Variants in ATRX observed in about 807,000 individuals in gnomAD.
The protein encoded by ATRX is chromatin remodeler ATRX.
In ATRX, 12 loss-of-function variants were observed where a neutral mutation model predicts 172.6. The ratio of observed to expected loss-of-function variants is 0.07; its 90% CI spans 0.04 to 0.11. ATRX has a LOEUF of 0.11. Ranked by LOEUF, ATRX falls within the 10% of genes least tolerant of loss-of-function variation. ATRX has a pLI of 1.00. For missense variants in ATRX, 1,368 were observed against 1,767.4 expected, an observed-to-expected ratio of 0.77 and a Z score of 4.05; for synonymous variants, 674 against 594.7, an observed-to-expected ratio of 1.13 and a Z score of -1.94.
chrX:77,663,350 T>C (rs2148486472), intron 12 of ATRX, 32 bp downstream of exon 12: 3 of 1,203,230 alleles, frequency 2.5e-6, no homozygotes, highest in African/African-American at 1.7e-5. Context: ...TGGTCCAATA[T>C]GTTCTTTACA....
intron 17 of ATRX, among the ~76,000 whole-genome samples, chrX:77,634,232 TA>T (rs144290953): frequency 0.053 from 2,865 of 54,009 alleles, 67 homozygotes; most frequent in Middle Eastern, 0.092. Context: ...TTAAAAGTTG[TA>T]AAAAAAAAAA....
At chrX:77,659,467 TTTTC>T (rs1392208154) in intron 12 of ATRX, among the ~76,000 whole-genome samples, 5 of 90,865 alleles carry the variant, frequency 5.5e-5, no homozygotes, top group African/African-American at 1.2e-4. Context: ...CATTTGCTTT[TTTTC>T]TTTCTCTCTC....
intron 22 of ATRX, among the ~76,000 whole-genome samples, chrX:77,615,457 T>G: frequency 8.9e-6 from 1 of 112,110 alleles, no homozygotes; most frequent in East Asian, 2.8e-4. Flanking sequence ...TCTGAACATC[T>G]GTCTCTTAAA....
At chrX:77,698,179 T>C (rs1557151138) in intron 3 of ATRX, among the ~76,000 whole-genome samples, 3 of 111,438 alleles carry the variant, frequency 2.7e-5, no homozygotes, top group Non-Finnish European at 5.7e-5. Flanking sequence ...AAAACCACAG[T>C]TGTGGACCTG....
intron 19 of ATRX, among the ~76,000 whole-genome samples, chrX:77,623,757 T>A (rs1287119501): frequency 9.0e-6 from 1 of 111,345 alleles, no homozygotes; most frequent in African/African-American, 3.3e-5. Context: ...CACATACAAG[T>A]AAATAAATGT....
intron 26 of ATRX, among the ~76,000 whole-genome samples, chrX:77,592,249 T>C (rs2066286822): frequency 9.3e-6 from 1 of 107,707 alleles, no homozygotes; most frequent in Non-Finnish European, 1.9e-5. Context: ...CCGTCTCTAT[T>C]AAAAAAACAA....
In ATRX at chrX:77,505,093, G is replaced by C. The variant is rs1271942360; in HGVS notation, c.*3258C>G. ...AGACTGAGTCTGGTGAAATAAAGTA[G>C]TAAATACCCTGAACATAATTTTTAG... On this transcript the variant is annotated 3_prime_UTR_variant, in exon 35 of 35. Coordinates refer to ENST00000373344, the MANE Select transcript of ATRX (RefSeq NM_000489.6). The C allele has an allele frequency of 3.0e-5, 5 of 167,951 alleles. No homozygotes were observed. Among genetic ancestry groups the C allele is most frequent in the African/African-American group, 1.5e-4 (5 of 33,274 alleles). The allele number at this position is 167,951 out of a possible 1,213,427, so 13.8% of individuals were successfully genotyped here. A position where few individuals can be genotyped will look rare whatever the true frequency, so the allele number is the denominator to read the frequency against.
At chrX:77,611,518 T>C (rs782066169) in intron 22 of ATRX, among the ~76,000 whole-genome samples, 4 of 111,154 alleles carry the variant, frequency 3.6e-5, no homozygotes, top group Non-Finnish European at 7.5e-5. Context: ...AGTCATAATA[T>C]TTTTAAACAC....
chrX:77,549,945 C>T (rs1163589395), intron 30 of ATRX, among the ~76,000 whole-genome samples: 9 of 109,676 alleles, frequency 8.2e-5, no homozygotes, highest in Non-Finnish European at 1.3e-4. Context: ...TAGAACGAGA[C>T]CTTGTCTCAA....
At chrX:77,655,885 T>A (rs2069521619) in intron 13 of ATRX, among the ~76,000 whole-genome samples, 1 of 111,070 alleles carries the variant, frequency 9.0e-6, no homozygotes. Context: ...ACACACAGAT[T>A]GTTCATTTGA....
rs781901911 is a variant in ATRX at position 77,682,843 on chromosome X, T to C, written c.2413A>G (p.Lys805Glu). 3 of 1,207,200 alleles carry C rather than the reference T, an allele frequency of 2.5e-6. No homozygotes were observed. The highest frequency in any genetic ancestry group is 3.4e-6 in the Non-Finnish European group (3 of 894,382). ...GKSAKSSIISKKKRQTQSESS... is the reference protein window; with the variant it reads ...GKSAKSSIISEKKRQTQSESS... The stretch of plus-strand genomic sequence containing the variant: ...TCAGACTGGGTTTGTCGTTTCTTTT[T>C]AGAAATTATAGAGCTCTTAGCTGAT... Residue 805 changes from lysine (K) to glutamate (E), a missense_variant, in exon 9 of 35, where the codon AAA becomes GAA. Around this residue, in one of 17 missense-constraint regions of ATRX, gnomAD observed 843 missense variants for 643.1 expected, o/e 1.31. Transcript: ENST00000373344.
rs782165810 is a variant in ATRX at position 77,777,191 on chromosome X, T to TAAAAAAAAAAAA, written c.20+8779_20+8790dup. On this transcript the variant is annotated intron_variant, in intron 1 of 34. Coordinates refer to ENST00000373344, the MANE Select transcript of ATRX (RefSeq NM_000489.6). ...CAATGTGGTAAAACCCTGTCTCTACTAAAAAAAAAAAAAAAAAAAAAAAAA... is the reference window on the plus strand; with the variant it reads ...CAATGTGGTAAAACCCTGTCTCTACTAAAAAAAAAAAAAAAAAAAAAAAAAAAAAAAAAAAAA... Among the ~76,000 whole-genome samples the TAAAAAAAAAAAA allele has an allele frequency of 1.0e-3, 22 of 21,038 alleles. 1 individual carries two copies. The highest frequency in any genetic ancestry group is 1.2e-3 in the Non-Finnish European group (15 of 12,430). The allele number at this position is 21,038 out of a possible 115,157, so 18.3% of individuals were successfully genotyped here.
At chrX:77,708,284 G>C (rs1382611354) in intron 2 of ATRX, among the ~76,000 whole-genome samples, 1 of 112,512 alleles carries the variant, frequency 8.9e-6, no homozygotes, top group Non-Finnish European at 1.9e-5. Context: ...TGTTACAACA[G>C]ATATCTTGAA....
At chrX:77,780,017 A>G (rs530998008) in intron 1 of ATRX, among the ~76,000 whole-genome samples, 3 of 112,251 alleles carry the variant, frequency 2.7e-5, no homozygotes, top group African/African-American at 9.7e-5. Flanking sequence ...ATCTTCAATC[A>G]TAAAAGGGCA....
chrX:77,671,633 T>C (rs2070623735), intron 10 of ATRX, among the ~76,000 whole-genome samples: 1 of 110,722 alleles, frequency 9.0e-6, no homozygotes, highest in African/African-American at 3.3e-5. Flanking sequence ...ACTTGAAAAA[T>C]GAAAACACAG....
At chrX:77,705,817 C>T (rs2072788335) in intron 2 of ATRX, among the ~76,000 whole-genome samples, 1 of 111,997 alleles carries the variant, frequency 8.9e-6, no homozygotes, top group African/African-American at 3.2e-5. Context: ...CTAATTTTGC[C>T]AGTACTGCAC....
intron 1 of ATRX, among the ~76,000 whole-genome samples, chrX:77,726,260 T>C (rs2074029266): frequency 9.0e-6 from 1 of 110,616 alleles, no homozygotes; most frequent in African/African-American, 3.3e-5. Context: ...TAAGAAAATG[T>C]GGCACATACA....
chrX:77,626,251 A>AAG (rs1411339834), intron 19 of ATRX, among the ~76,000 whole-genome samples: 1 of 106,686 alleles, frequency 9.4e-6, no homozygotes, highest in Non-Finnish European at 1.9e-5. Flanking sequence ...ACAAAGGCAT[A>AAG]AGAATGACAC....
chrX:77,738,043 T>A, intron 1 of ATRX, among the ~76,000 whole-genome samples: 2 of 111,394 alleles, frequency 1.8e-5, no homozygotes. Flanking sequence ...GTTAAATAAT[T>A]TGCACTTCCG....
Sources: gnomAD v4.1 joint callset for allele counts (sites outside exome capture counted in the v4.1 genomes callset) on GRCh38, gnomAD v4.1.1 for gene constraint, gnomAD v4.1.1 regional missense constraint, MANE v1.5 for transcripts, NCBI Gene and HGNC (gene_info 2026-07-23, HGNC 2026-07-21) for gene names.